The following APOL2 variants were observed in gnomAD, a reference collection of about 807,000 sequenced individuals.
The protein encoded by APOL2 is apolipoprotein L, 2.
A neutral mutation model predicts 7.1 loss-of-function variants in APOL2; 8 were observed. That is an observed-to-expected ratio of 1.12 (90% CI 0.66 to 2.03). The LOEUF is 2.03. Ranked by LOEUF, APOL2 falls within the 30% of genes most tolerant of loss-of-function variation. The pLI is 0.00. For synonymous variants in APOL2, 177 were observed against 159.9 expected, an observed-to-expected ratio of 1.11 and a Z score of -0.81; for missense variants, 471 against 415.1, an observed-to-expected ratio of 1.13 and a Z score of -1.17.
Position 36,228,007 on chromosome 22 carries a change from C to A in APOL2, c.411G>T (p.Leu137=), listed in dbSNP as rs375048558. 2 of 1,614,120 alleles carry A rather than the reference C, an allele frequency of 1.2e-6. No individual in the cohort carries two copies. Among genetic ancestry groups the A allele is most frequent in the African/African-American group, 2.7e-5 (2 of 74,944 alleles). The change falls in exon 5 of 5, where the codon CTG becomes CTT. Residue 137 remains leucine (L), a synonymous_variant. Coordinates refer to ENST00000358502, the MANE Select transcript of APOL2 (RefSeq NM_030882.4). ...SGILTLLGLG[L]APFTEGISFV... Reference sequence around the variant, plus strand: ...AACTGATTCCTTCTGTGAAGGGTGCCAGACCCAGGCCGAGGAGGGTCAGGA... The same window carrying A: ...AACTGATTCCTTCTGTGAAGGGTGCAAGACCCAGGCCGAGGAGGGTCAGGA...
chr22:36,232,481 C>G (rs1288871527), intron 3 of APOL2, among the ~76,000 whole-genome samples: 1 of 152,174 alleles, frequency 6.6e-6, no homozygotes, highest in East Asian at 1.9e-4. Context: ...CTTAGGGAGG[C>G]CCTACTGTGT....
At chr22:36,239,024 GC>G in intron 1 of APOL2, 2 of 754,198 alleles carry the variant, frequency 2.7e-6, no homozygotes, top group Non-Finnish European at 3.5e-6. Context: ...CCTGGGGCCA[GC>G]CTGGGTGTGG....
chr22:36,233,173 G>A lies in APOL2; in HGVS notation c.-11C>T, dbSNP rs765596236. ...CCTACCTGGGTTCATGGTGCCAGCG[G>A]CTGGGTTACCGAGGGGCTTTCCTTG... On this transcript the variant is annotated 5_prime_UTR_variant, in exon 3 of 5. Transcript: ENST00000358502. 1.2e-6 allele frequency: 2 copies of A among 1,614,128 alleles called. No homozygotes were observed. The highest frequency in any genetic ancestry group is 1.7e-6 in the Non-Finnish European group (2 of 1,179,998).
intron 1 of APOL2, among the ~76,000 whole-genome samples, chr22:36,235,296 A>C (rs1299088871): frequency 2.0e-5 from 3 of 152,206 alleles, no homozygotes; most frequent in African/African-American, 7.2e-5. Context: ...CCTACAGGGA[A>C]GACTGCCAGT....
At chr22:36,238,077 G>A in intron 1 of APOL2, among the ~76,000 whole-genome samples, 1 of 152,156 alleles carries the variant, frequency 6.6e-6, no homozygotes, top group East Asian at 1.9e-4. Flanking sequence ...AGCTCTACCT[G>A]TATGTGGCTC....
At chr22:36,239,822 G>T (rs1466044761), upstream of APOL2, 3 of 389,116 alleles carry the variant, frequency 7.7e-6, no homozygotes, top group African/African-American at 6.1e-5. Flanking sequence ...GGAGTTTTTT[G>T]AACCCATCTG....
intron 3 of APOL2, among the ~76,000 whole-genome samples, chr22:36,231,797 G>A (rs908804698): frequency 1.3e-5 from 2 of 152,132 alleles, no homozygotes; most frequent in African/African-American, 2.4e-5. Flanking sequence ...AGCACACAGC[G>A]CAAAGGCAGC....
Position 36,227,374 on chromosome 22 carries a change from T to A in APOL2, c.*30A>T. ...TTTTGTCCTGGCCTGTGCCCGGCAT[T>A]TCTGCCCTGGTGGCTGCACTGCTCT... On this transcript the variant is annotated 3_prime_UTR_variant, in exon 5 of 5. Coordinates refer to ENST00000358502, the MANE Select transcript of APOL2 (RefSeq NM_030882.4). 6.4e-7 allele frequency: 1 copy of A among 1,555,740 alleles called. No homozygotes were observed. Among genetic ancestry groups the A allele is most frequent in the African/African-American group, 1.4e-5 (1 of 72,584 alleles).
intron 3 of APOL2, among the ~76,000 whole-genome samples, chr22:36,232,365 T>C (rs1192434870): frequency 6.6e-6 from 1 of 152,198 alleles, no homozygotes; most frequent in East Asian, 1.9e-4. Flanking sequence ...GTGCTTGTGA[T>C]GGGCAGTGCA....
chr22:36,230,995 G>A (rs527885485), intron 4 of APOL2, among the ~76,000 whole-genome samples: 1 of 152,342 alleles, frequency 6.6e-6, no homozygotes, highest in Admixed American at 6.5e-5. Flanking sequence ...CTATGTGTCA[G>A]TCATTATGCT....
At chr22:36,239,890 G>A (rs564393854), upstream of APOL2, 64 of 228,854 alleles carry the variant, frequency 2.8e-4, no homozygotes, top group African/African-American at 1.3e-3. Context: ...ACAGCAGGTG[G>A]GGGAGAGAAG....
At position 36,239,386 on chromosome 22, in the gene APOL2, T is replaced by C. The variant is rs2015523239; in HGVS notation, c.-134+55A>G. 4 of 1,480,866 alleles carry C rather than the reference T, an allele frequency of 2.7e-6. No homozygotes were observed. The African/African-American group carries it at 4.2e-5, about 15-fold the overall frequency. 91.7% of individuals were successfully genotyped at this position (1,480,866 alleles called of 1,614,324 possible). A position where few individuals can be genotyped will look rare whatever the true frequency, so the allele number is the denominator to read the frequency against. ...CAAAAGCTGAATGATCCTTCCCTTA[T>C]AGAGCTATTGCAAGAATAAGGACAT... On this transcript the variant is annotated intron_variant, in intron 1 of 4. Transcript: ENST00000358502.
chr22:36,226,484 C>T lies in APOL2; in HGVS notation c.*920G>A, dbSNP rs1202520878. 6.6e-6 allele frequency: 1 copy of T among 152,456 alleles called. No individual in the cohort carries two copies. The highest frequency in any genetic ancestry group is 1.5e-5 in the Non-Finnish European group (1 of 68,154). 9.4% of individuals were successfully genotyped at this position (152,456 alleles called of 1,614,324 possible). ...TCTCAGGGTTCAAGCAGGGGACATGCACCCTTTAGTAACCTGGAGGGGACC... is the reference window on the plus strand; with the variant it reads ...TCTCAGGGTTCAAGCAGGGGACATGTACCCTTTAGTAACCTGGAGGGGACC... On this transcript the variant is annotated 3_prime_UTR_variant, in exon 5 of 5. Coordinates refer to ENST00000358502, the MANE Select transcript of APOL2 (RefSeq NM_030882.4).
chr22:36,228,155 A>G lies in APOL2; in HGVS notation c.263T>C (p.Leu88Ser). Residue 88 changes from leucine to serine, a missense_variant, in exon 5 of 5, where the codon TTG (leucine) becomes TCG (serine). Coordinates refer to ENST00000358502, the MANE Select transcript of APOL2 (RefSeq NM_030882.4). ...RQWFLKEFPRLKRELEDHIRK... is the reference protein window; with the variant it reads ...RQWFLKEFPRSKRELEDHIRK... ...TATGTGATCCTCAAGCTCCCTTTTC[A>G]ACCGAGGAAACTCTTTCAAAAACCA... The G allele has an allele frequency of 1.2e-6, 2 of 1,614,186 alleles. No homozygotes were observed. Among genetic ancestry groups the G allele is most frequent in the Non-Finnish European group, 1.7e-6 (2 of 1,180,030 alleles).
chr22:36,237,894 C>T (rs1603481086), intron 1 of APOL2, among the ~76,000 whole-genome samples: 1 of 152,300 alleles, frequency 6.6e-6, no homozygotes, highest in African/African-American at 2.4e-5. Context: ...TCCTCCCACT[C>T]CCATCCCCAG....
intron 4 of APOL2, among the ~76,000 whole-genome samples, chr22:36,229,372 A>C (rs935284270): frequency 7.0e-5 from 10 of 143,272 alleles, no homozygotes; most frequent in African/African-American, 2.3e-4. Context: ...CTGTAACAAC[A>C]ATCCTGAATA....
chr22:36,229,413 C>T (rs1363341354), intron 4 of APOL2, among the ~76,000 whole-genome samples: 1 of 152,180 alleles, frequency 6.6e-6, no homozygotes, highest in African/African-American at 2.4e-5. Context: ...ATGTGATTCA[C>T]AGGAATTTTT....
Position 36,233,142 on chromosome 22 carries a change from A to T in APOL2, c.10+11T>A. On this transcript the variant is annotated intron_variant, in intron 3 of 4. Transcript: ENST00000358502. ...AGTAGGAACTAGCCAGGAAAGAGGA[A>T]GCGAGCCTACCTGGGTTCATGGTGC... is the stretch of plus-strand genomic sequence containing the variant. 4 of 1,613,794 alleles carry T rather than the reference A, an allele frequency of 2.5e-6. No individual in the cohort carries two copies. The highest frequency in any genetic ancestry group is 3.4e-6 in the Non-Finnish European group (4 of 1,179,726).
chr22:36,233,263 T>C (rs2015291814), intron 2 of APOL2, 22 bp from the exon 3 acceptor site: 1 of 1,613,312 alleles, frequency 6.2e-7, no homozygotes, highest in Non-Finnish European at 8.5e-7. Context: ...GAAAACAAAT[T>C]GTGGGATCGA....
Sources: allele counts gnomAD v4.1 joint callset (sites outside exome capture counted in the v4.1 genomes callset), GRCh38; gene constraint gnomAD v4.1.1; transcripts MANE v1.5; gene names NCBI Gene and HGNC (gene_info 2026-07-23, HGNC 2026-07-21).